Variants in PARPBP observed in about 807,000 individuals in gnomAD.
The protein encoded by PARPBP is PARP1 binding protein.
Under a neutral mutation model 50.0 loss-of-function variants are expected in PARPBP, and 52 were observed. The ratio of observed to expected loss-of-function variants is 1.04; its 90% confidence interval spans 0.83 to 1.31. The LOEUF is 1.31. Ranked by LOEUF, PARPBP falls within the 50% of genes most tolerant of loss-of-function variation. PARPBP has a pLI of 0.00. For missense variants in PARPBP, 697 were observed against 672.0 expected, an observed-to-expected ratio of 1.04 and a Z score of -0.41; for synonymous variants, 244 against 232.1, an observed-to-expected ratio of 1.05 and a Z score of -0.47.
At chr12:102,194,146 C>A (rs11111200) in intron 9 of PARPBP, among the ~76,000 whole-genome samples, 8,107 of 151,938 alleles carry the variant, frequency 0.053, 277 homozygotes, top group Middle Eastern at 0.088. Flanking sequence ...ATTTCACTGC[C>A]ATTGTCTTTA....
chr12:102,195,650 G>A (rs1275869595), intron 10 of PARPBP, among the ~76,000 whole-genome samples: 1 of 151,674 alleles, frequency 6.6e-6, no homozygotes, highest in East Asian at 1.9e-4. Flanking sequence ...TTAACTAAAT[G>A]TATTTAAGAA....
intron 9 of PARPBP, among the ~76,000 whole-genome samples, chr12:102,193,063 T>G (rs1024328280): frequency 1.3e-5 from 2 of 151,748 alleles, no homozygotes; most frequent in African/African-American, 4.8e-5. Flanking sequence ...ACTTCAGGAA[T>G]CCATTGCCTT....
intron 8 of PARPBP, among the ~76,000 whole-genome samples, chr12:102,182,105 A>G (rs1281807099): frequency 6.6e-6 from 1 of 152,178 alleles, no homozygotes; most frequent in Admixed American, 6.5e-5. Flanking sequence ...AGCTGTACAC[A>G]TTCAGTAGAA....
rs75359155 is a variant in PARPBP, at chr12:102,166,468, A to G, written c.821+585A>G. Among the ~76,000 whole-genome samples, 623 of 152,234 alleles carry G rather than the reference A, an allele frequency of 4.1e-3. 5 individuals are homozygous for G. Among genetic ancestry groups the G allele is most frequent in the African/African-American group, 0.014 (596 of 41,562 alleles). ...TAGCAATCATGGTGGATCATTGTCA[A>G]TTTGGTATCCTATAACATAAATAAA... On this transcript the variant is annotated intron_variant, in intron 6 of 10. Coordinates refer to ENST00000327680, the MANE Select transcript of PARPBP (RefSeq NM_017915.5).
Position 102,165,866 on chromosome 12 carries a change from A to G in PARPBP, c.804A>G (p.Gly268=). The part of the protein sequence containing the change: ...NFIDKLDEIL[G]EIPNPSIAGG... ...TTGACAAATTAGATGAGATTCTTGG[A>G]GAAATACCAAACCCAAGGTAATGAC... The change falls in exon 6 of 11, where the codon GGA becomes GGG. Residue 268 remains glycine (G), a synonymous_variant. Coordinates refer to ENST00000327680, the MANE Select transcript of PARPBP (RefSeq NM_017915.5). The G allele has an allele frequency of 6.4e-7, 1 of 1,556,666 alleles. No individual in the cohort carries two copies. The highest frequency in any genetic ancestry group is 8.8e-7 in the Non-Finnish European group (1 of 1,132,686).
At chr12:102,128,913 T>C (rs1265693940) in intron 2 of PARPBP, among the ~76,000 whole-genome samples, 1 of 152,230 alleles carries the variant, frequency 6.6e-6, no homozygotes, top group Non-Finnish European at 1.5e-5. Context: ...CTTATACTAA[T>C]TACATTTCCA....
chr12:102,121,763 C>G (rs895975108), intron 1 of PARPBP, among the ~76,000 whole-genome samples: 1 of 151,892 alleles, frequency 6.6e-6, no homozygotes, highest in Non-Finnish European at 1.5e-5. Context: ...AGGTTGGTCT[C>G]GAACTCCTAA....
chr12:102,137,654 C>T (rs940084374), intron 2 of PARPBP, among the ~76,000 whole-genome samples: 4 of 151,816 alleles, frequency 2.6e-5, no homozygotes, highest in Non-Finnish European at 5.9e-5. Flanking sequence ...TCCCTCCCCG[C>T]TCCCCCCACC....
chr12:102,120,576 G>T (rs903574131), intron 1 of PARPBP: 6 of 449,048 alleles, frequency 1.3e-5, no homozygotes, highest in Non-Finnish European at 1.8e-5. Context: ...GGAAACCTGG[G>T]TTCTAGTCCC....
At chr12:102,150,084 A>G (rs2138805239) in intron 3 of PARPBP, among the ~76,000 whole-genome samples, 1 of 152,228 alleles carries the variant, frequency 6.6e-6, no homozygotes, top group Middle Eastern at 3.4e-3. Flanking sequence ...AAGTTATAGT[A>G]TGATATATAT....
At chr12:102,158,120 C>CAAA (rs55962862) in intron 4 of PARPBP, among the ~76,000 whole-genome samples, 51 of 47,794 alleles carry the variant, frequency 1.1e-3, no homozygotes, top group Middle Eastern at 0.011. Flanking sequence ...GACTCCATCT[C>CAAA]AAAAAAAAAA....
intron 9 of PARPBP, among the ~76,000 whole-genome samples, chr12:102,184,203 G>T (rs546731903): frequency 6.6e-6 from 1 of 151,646 alleles, no homozygotes; most frequent in East Asian, 1.9e-4. Flanking sequence ...AACTTTTGTG[G>T]GTACATAGTA....
At position 102,196,378 on chromosome 12, in the gene PARPBP, TATG is replaced by T. The variant is rs1374594871; in HGVS notation, c.*93_*95del. On this transcript the variant is annotated 3_prime_UTR_variant, in exon 11 of 11. Transcript: ENST00000327680. ...ATTTTTAAGAGATCAAGGTGTAAAT[TATG>T]ATGATTTATTATTTTGGTCTACAGT... 5 of 900,996 alleles carry T rather than the reference TATG, an allele frequency of 5.5e-6. No individual in the cohort carries two copies. The highest frequency in any genetic ancestry group is 2.6e-5 in the Admixed American group (1 of 39,132). 55.8% of individuals were successfully genotyped at this position (900,996 alleles called of 1,614,324 possible). A position where few individuals can be genotyped will look rare whatever the true frequency, so the allele number is the denominator to read the frequency against.
At chr12:102,143,371 A>G (rs1200943707) in intron 2 of PARPBP, among the ~76,000 whole-genome samples, 1 of 152,168 alleles carries the variant, frequency 6.6e-6, no homozygotes, top group African/African-American at 2.4e-5. Flanking sequence ...CCGATTTTCC[A>G]GGTACCATCT....
chr12:102,187,272 T>C (rs917664100), intron 9 of PARPBP, among the ~76,000 whole-genome samples: 3 of 152,158 alleles, frequency 2.0e-5, no homozygotes, highest in African/African-American at 7.2e-5. Flanking sequence ...AGTCCCCAGA[T>C]ACAGAACTAG....
intron 9 of PARPBP, among the ~76,000 whole-genome samples, chr12:102,182,894 TC>T (rs1380546238): frequency 6.6e-6 from 1 of 152,180 alleles, no homozygotes; most frequent in African/African-American, 2.4e-5. Flanking sequence ...TGAATAAATA[TC>T]CGTTGAATGA....
intron 2 of PARPBP, among the ~76,000 whole-genome samples, chr12:102,137,184 A>G (rs1474448928): frequency 1.3e-5 from 2 of 152,126 alleles, no homozygotes; most frequent in Non-Finnish European, 2.9e-5. Flanking sequence ...CGATCTCCTG[A>G]CTTCGTGATC....
At chr12:102,149,007 A>T (rs187938080) in intron 3 of PARPBP, 5 of 152,198 alleles carry the variant, frequency 3.3e-5, no homozygotes, top group South Asian at 2.1e-4. Context: ...TATCCCTTGC[A>T]GTTTGGTTTT....
chr12:102,181,972 A>G (rs1037681166), intron 8 of PARPBP, among the ~76,000 whole-genome samples: 4 of 152,126 alleles, frequency 2.6e-5, no homozygotes, highest in Non-Finnish European at 5.9e-5. Flanking sequence ...AATCCTGTTC[A>G]TGAAGGCAGA....
Sources: gnomAD v4.1 joint callset for allele counts (sites outside exome capture counted in the v4.1 genomes callset) on GRCh38, gnomAD v4.1.1 for gene constraint, MANE v1.5 for transcripts, NCBI Gene and HGNC (gene_info 2026-07-23, HGNC 2026-07-21) for gene names.